TMEM45A: variants seen among roughly 807,000 people sequenced by gnomAD.
TMEM45A encodes the protein DNA polymerase-transactivated protein 4.
A neutral mutation model predicts 32.0 loss-of-function variants in TMEM45A; 25 were observed. The observed-to-expected ratio is 0.78, with a 90% CI of 0.57 to 1.09. The LOEUF is 1.09. Ranked by LOEUF, TMEM45A falls within the 50% of genes least tolerant of loss-of-function variation. The pLI is 0.00. For missense variants in TMEM45A, 302 were observed against 325.0 expected (o/e 0.93, Z 0.54); for synonymous variants, 122 against 114.8 (o/e 1.06, Z -0.40).
chr3:100,553,017 T>C (rs932053334), intron 1 of TMEM45A, among the ~76,000 whole-genome samples: 3 of 152,348 alleles, frequency 2.0e-5, no homozygotes. Context: ...TCTTAGTATC[T>C]AAGTAAAATT....
intron 4 of TMEM45A, among the ~76,000 whole-genome samples, chr3:100,566,847 T>C (rs1381713715): frequency 6.6e-6 from 1 of 152,128 alleles, no homozygotes; most frequent in Non-Finnish European, 1.5e-5. Context: ...TTTTTTGTTG[T>C]TGTTAAGTTT....
intron 5 of TMEM45A, chr3:100,572,465 A>T (rs1706584930): frequency 6.6e-6 from 1 of 151,066 alleles, no homozygotes; most frequent in Admixed American, 6.6e-5. Flanking sequence ...TTTTCTTGTA[A>T]ATTTGTTTGA....
intron 1 of TMEM45A, among the ~76,000 whole-genome samples, chr3:100,541,524 C>CTTTTTTTTTTTTTTTTTTTTTTTTCT: frequency 9.0e-6 from 1 of 111,268 alleles, no homozygotes. Flanking sequence ...CTTTTCTTTC[C>CTTTTTTTTTTTTTTTTTTTTTTTTCT]TTTTTTTTTT....
chr3:100,524,340 A>C (rs1705499531), intron 1 of TMEM45A, among the ~76,000 whole-genome samples: 1 of 152,206 alleles, frequency 6.6e-6, no homozygotes, highest in Non-Finnish European at 1.5e-5. Flanking sequence ...ATGATAATTA[A>C]ATGACATAAT....
At chr3:100,573,849 T>G (rs1194713325) in intron 5 of TMEM45A, 1 of 152,214 alleles carries the variant, frequency 6.6e-6, no homozygotes, top group African/African-American at 2.4e-5. Flanking sequence ...CTGCATCTAT[T>G]GAGATAATCA....
At chr3:100,540,257 A>G (rs1187413116) in intron 1 of TMEM45A, among the ~76,000 whole-genome samples, 3 of 152,222 alleles carry the variant, frequency 2.0e-5, no homozygotes, top group Non-Finnish European at 4.4e-5. Context: ...AAGAGAATGA[A>G]AAGACAAACC....
At chr3:100,575,656 C>A (rs1408266908) in intron 5 of TMEM45A, among the ~76,000 whole-genome samples, 1 of 152,202 alleles carries the variant, frequency 6.6e-6, no homozygotes, top group Non-Finnish European at 1.5e-5. Context: ...TAGGCATGAG[C>A]CACCATGCCC....
At chr3:100,519,373 GTGTGTGTGTGTGCA>G in intron 1 of TMEM45A, 2 of 576,470 alleles carry the variant, frequency 3.5e-6, no homozygotes, top group South Asian at 2.1e-5. Context: ...TACAGGTTGT[GTGTGTGTGTGTGCA>G]TGTGTGTGTG....
At chr3:100,508,381 G>C (rs564341014) in intron 1 of TMEM45A, among the ~76,000 whole-genome samples, 9 of 152,252 alleles carry the variant, frequency 5.9e-5, no homozygotes, top group African/African-American at 2.2e-4. Context: ...TATCCCTGGA[G>C]CCCCACTGAC....
At position 100,551,933 on chromosome 3, in the gene TMEM45A, T is replaced by A. The variant is rs1422070183; in HGVS notation, c.-3-3276T>A. Among the ~76,000 whole-genome samples the A allele has an allele frequency of 2.6e-5, 4 of 152,162 alleles. No individual in the cohort carries two copies. The South Asian group carries it at 6.2e-4, about 24-fold the overall frequency. On this transcript the variant is annotated intron_variant, in intron 1 of 5. Coordinates refer to ENST00000323523, the MANE Select transcript of TMEM45A (RefSeq NM_018004.3). ...TCCACTATTCCCCATTGCCTCCTTATTACATCCTGATGGATGTGCTGAGAT... is the reference window on the plus strand; with the variant it reads ...TCCACTATTCCCCATTGCCTCCTTAATACATCCTGATGGATGTGCTGAGAT...
chr3:100,543,058 A>T (rs1404117479), intron 1 of TMEM45A, among the ~76,000 whole-genome samples: 2 of 152,230 alleles, frequency 1.3e-5, no homozygotes, highest in Admixed American at 1.3e-4. Flanking sequence ...AAAAATGGAA[A>T]AATAAAAACA....
At chr3:100,522,470 A>G (rs1384058642) in intron 1 of TMEM45A, among the ~76,000 whole-genome samples, 2 of 152,222 alleles carry the variant, frequency 1.3e-5, no homozygotes, top group Non-Finnish European at 2.9e-5. Context: ...GCTCGGACTC[A>G]CATTTGAGAG....
Position 100,568,931 on chromosome 3 carries a change from T to C in TMEM45A, c.698T>C (p.Ile233Thr), listed in dbSNP as rs1405604681. ...TTTTGTTGGCATTATGCAGTAACCA[T>C]TGTCATCGTTGGAATGAATTATGCT... is the stretch of plus-strand genomic sequence containing the variant. ...ICFCWHYAVT[I>T]VIVGMNYAFI... is the part of the protein sequence containing the mutation. Residue 233 changes from isoleucine to threonine, a missense_variant, in exon 5 of 6, where the codon ATT (isoleucine) becomes ACT (threonine). Ile to Thr is a moderately conservative substitution (Grantham distance 89, BLOSUM62 -1). Coordinates refer to ENST00000323523, the MANE Select transcript of TMEM45A (RefSeq NM_018004.3). 3 of 1,613,434 alleles carry C rather than the reference T, an allele frequency of 1.9e-6. No homozygotes were observed.
At chr3:100,493,794 C>G (rs527765938) in intron 1 of TMEM45A, among the ~76,000 whole-genome samples, 3 of 152,236 alleles carry the variant, frequency 2.0e-5, no homozygotes, top group African/African-American at 4.8e-5. Context: ...TGCAATGGCA[C>G]GATCTCGGCT....
Position 100,556,858 on chromosome 3 carries a change from A to G in TMEM45A, c.289A>G (p.Thr97Ala). Residue 97 changes from threonine (T) to alanine (A), a missense_variant, in exon 3 of 6, where the codon ACC (threonine) becomes GCC (alanine). Physicochemically the swap from Thr to Ala is moderately conservative, Grantham distance 58. Transcript: ENST00000323523. ...WNQLLGWHHF[T>A]MYFFFGLLGV... Reference sequence around the variant, plus strand: ...TCAACTCCTGGGCTGGCATCATTTCACCATGTATTTCTTCTTTGGGCTGTT... The same window carrying G: ...TCAACTCCTGGGCTGGCATCATTTCGCCATGTATTTCTTCTTTGGGCTGTT... 6.2e-7 allele frequency: 1 copy of G among 1,614,120 alleles called. No homozygotes were observed. Among genetic ancestry groups the G allele is most frequent in the Non-Finnish European group, 8.5e-7 (1 of 1,179,996 alleles).
intron 1 of TMEM45A, among the ~76,000 whole-genome samples, chr3:100,517,185 G>A (rs2148944053): frequency 6.6e-6 from 1 of 152,104 alleles, no homozygotes; most frequent in South Asian, 2.1e-4. Flanking sequence ...GGCACAATCT[G>A]GGATTATTGC....
Position 100,577,274 on chromosome 3 carries a change from A to G in TMEM45A, c.*256A>G, listed in dbSNP as rs1037749872. 4 of 332,008 alleles carry G rather than the reference A, an allele frequency of 1.2e-5. No homozygotes were observed. The highest frequency in any genetic ancestry group is 2.2e-5 in the Non-Finnish European group (4 of 183,488). 20.6% of individuals were successfully genotyped at this position (332,008 alleles called of 1,614,324 possible). On this transcript the variant is annotated 3_prime_UTR_variant, in exon 6 of 6. Transcript: ENST00000323523. ...GGCTAGAGTGATTTTTTTCCAGATT[A>G]TCTAAAGTTGGATGCCCACACTATG...
chr3:100,544,111 A>AT (rs1366403372), intron 1 of TMEM45A, among the ~76,000 whole-genome samples: 4 of 150,610 alleles, frequency 2.7e-5, no homozygotes, highest in African/African-American at 7.4e-5. Flanking sequence ...AGGTAGATTT[A>AT]TTTTTTTTGC....
At chr3:100,526,805 G>A (rs913859521) in intron 1 of TMEM45A, among the ~76,000 whole-genome samples, 9 of 152,162 alleles carry the variant, frequency 5.9e-5, no homozygotes, top group Non-Finnish European at 1.3e-4. Flanking sequence ...GACTGTCTTA[G>A]AGTCCCCTAA....
Sources: gnomAD v4.1 joint callset for allele counts (sites outside exome capture counted in the v4.1 genomes callset) on GRCh38, gnomAD v4.1.1 for gene constraint, MANE v1.5 for transcripts, NCBI Gene and HGNC (gene_info 2026-07-23, HGNC 2026-07-21) for gene names.